The following B4GALNT3 variants were observed in gnomAD, a reference collection of about 807,000 sequenced individuals.
B4GALNT3 encodes the protein beta-1,4-N-acetylgalactosaminyltransferase 3.
In B4GALNT3, 86 loss-of-function variants were observed where a neutral mutation model predicts 120.2. The observed-to-expected ratio is 0.72, with a 90% CI of 0.60 to 0.86. The LOEUF (loss-of-function observed/expected upper bound fraction) is 0.86. Among genes scored for constraint, B4GALNT3 ranks in the 40% least tolerant of loss-of-function variants. The probability of loss-of-function intolerance (pLI) is 0.00; values close to 1 mark genes in which losing one functional copy is unlikely to be tolerated. For synonymous variants in B4GALNT3, 518 were observed against 510.4 expected (o/e 1.01, Z -0.20); for missense variants, 1,167 against 1,298.9 (o/e 0.90, Z 1.56).
chr12:536,321 C>T (rs770472810), intron 3 of B4GALNT3, 26 bp downstream of exon 3: 4 of 1,558,342 alleles, frequency 2.6e-6, no homozygotes, highest in Non-Finnish European at 3.5e-6. Context: ...TTGTACCTGC[C>T]CTTTGAGAGA....
At chr12:468,167 C>T (rs1457626685) in intron 1 of B4GALNT3, among the ~76,000 whole-genome samples, 1 of 152,072 alleles carries the variant, frequency 6.6e-6, no homozygotes, top group Non-Finnish European at 1.5e-5. Flanking sequence ...AACAAAAGTG[C>T]TATGGTATAC....
intron 1 of B4GALNT3, among the ~76,000 whole-genome samples, chr12:513,201 CCT>C: frequency 6.6e-6 from 1 of 152,094 alleles, no homozygotes; most frequent in African/African-American, 2.4e-5. Context: ...CCACCTTCCA[CCT>C]TCCACCTTCC....
intron 1 of B4GALNT3, among the ~76,000 whole-genome samples, chr12:529,320 G>C (rs1592043442): frequency 6.6e-6 from 1 of 152,208 alleles, no homozygotes; most frequent in South Asian, 2.1e-4. Context: ...GAGGGAGCTT[G>C]CTTTTGGTTG....
chr12:554,008 C>T (rs769807663), intron 14 of B4GALNT3, 25 bp downstream of exon 14: 6 of 1,539,836 alleles, frequency 3.9e-6, no homozygotes, highest in Non-Finnish European at 5.4e-6. Context: ...TCTCCTGGGG[C>T]CAGGGACTGG....
At chr12:512,414 TCCGC>T (rs1202856103) in intron 1 of B4GALNT3, among the ~76,000 whole-genome samples, 5 of 81,068 alleles carry the variant, frequency 6.2e-5, no homozygotes, top group African/African-American at 3.3e-4. Context: ...CCTTCCACCT[TCCGC>T]CTTCCGCCTT....
At chr12:533,555 G>C (rs1946828491) in intron 1 of B4GALNT3, among the ~76,000 whole-genome samples, 1 of 152,232 alleles carries the variant, frequency 6.6e-6, no homozygotes, top group South Asian at 2.1e-4. Flanking sequence ...GCCAGAAAGT[G>C]ACTACAGGAG....
At chr12:479,371 G>T (rs897979475) in intron 1 of B4GALNT3, among the ~76,000 whole-genome samples, 5 of 152,146 alleles carry the variant, frequency 3.3e-5, no homozygotes, top group African/African-American at 9.7e-5. Context: ...TGGTGTCACT[G>T]CCCCACTCTG....
chr12:538,388 C>G (rs1036445803), intron 3 of B4GALNT3, among the ~76,000 whole-genome samples: 4 of 151,382 alleles, frequency 2.6e-5, no homozygotes, highest in Admixed American at 2.0e-4. Flanking sequence ...GAGACCTTGT[C>G]TCTACAAATA....
At chr12:534,672 C>T (rs1045356421) in intron 1 of B4GALNT3, among the ~76,000 whole-genome samples, 1 of 152,234 alleles carries the variant, frequency 6.6e-6, no homozygotes, top group Non-Finnish European at 1.5e-5. Context: ...CAGGCCCACT[C>T]TTTCCTGCCT....
At chr12:475,694 G>T (rs575806774) in intron 1 of B4GALNT3, among the ~76,000 whole-genome samples, 1 of 152,026 alleles carries the variant, frequency 6.6e-6, no homozygotes, top group African/African-American at 2.4e-5. Context: ...AGCTGACTTC[G>T]TTCTTTCTGG....
intron 1 of B4GALNT3, among the ~76,000 whole-genome samples, chr12:525,352 G>A (rs11833359): frequency 0.39 from 59,114 of 151,914 alleles, 12,811 homozygotes; most frequent in East Asian, 0.65. Flanking sequence ...CAGGTCATCC[G>A]CCTGCCTCGA....
rs867684915 is a variant in B4GALNT3 at position 460,059 on chromosome 12, C to G, written c.-318C>G. 1.1e-4 allele frequency among the ~76,000 whole-genome samples: 16 copies of G among 150,340 alleles called. No individual in the cohort carries two copies. Among genetic ancestry groups the G allele is most frequent in the South Asian group, 4.2e-4 (2 of 4,784 alleles). ...CTTCTGGGCAGCGAGTGAGGGCGGG[C>G]GCGCAGGGAGGGAGGGCGGCAGCGA... On this transcript the variant is annotated 5_prime_UTR_variant, in exon 1 of 20. Transcript: ENST00000266383. This position sits in a 1 kb window ranked among gnomAD's most constrained non-coding sequence, Gnocchi z 8.0.
At chr12:541,545 C>T (rs1466180864) in intron 3 of B4GALNT3, among the ~76,000 whole-genome samples, 5 of 152,132 alleles carry the variant, frequency 3.3e-5, no homozygotes, top group African/African-American at 4.8e-5. Flanking sequence ...CCTTGGGGGA[C>T]GGGGTGGTTC....
chr12:464,303 T>C (rs1174817053), intron 1 of B4GALNT3, among the ~76,000 whole-genome samples: 1 of 152,196 alleles, frequency 6.6e-6, no homozygotes, highest in Non-Finnish European at 1.5e-5. Flanking sequence ...TTTGTTCATA[T>C]TGGATCAGCA....
chr12:541,014 A>G (rs1302371325), intron 3 of B4GALNT3, among the ~76,000 whole-genome samples: 1 of 152,342 alleles, frequency 6.6e-6, no homozygotes, highest in African/African-American at 2.4e-5. Context: ...AAGTGCTGGG[A>G]TTACAGGCGT....
chr12:464,630 T>TAAA (rs35653120), intron 1 of B4GALNT3, among the ~76,000 whole-genome samples: 175 of 147,720 alleles, frequency 1.2e-3, no homozygotes, highest in Middle Eastern at 7.0e-3. Flanking sequence ...AGACTCTACT[T>TAAA]AAAAAAAAAA....
intron 3 of B4GALNT3, among the ~76,000 whole-genome samples, chr12:542,679 C>G (rs1946931412): frequency 6.6e-6 from 1 of 152,236 alleles, no homozygotes; most frequent in Admixed American, 6.5e-5. Context: ...CCTGCCTTCC[C>G]CCTTTCTGGG....
intron 1 of B4GALNT3, among the ~76,000 whole-genome samples, chr12:511,394 T>TTCCACC (rs1565597826): frequency 1.4e-5 from 1 of 71,534 alleles, no homozygotes; most frequent in Non-Finnish European, 3.2e-5. Context: ...TTCCACCTTC[T>TTCCACC]GTCTTCCACC....
intron 1 of B4GALNT3, among the ~76,000 whole-genome samples, chr12:516,141 G>T (rs1278009502): frequency 7.1e-6 from 1 of 141,364 alleles, no homozygotes; most frequent in Non-Finnish European, 1.5e-5. Flanking sequence ...GCGAGACTCC[G>T]TCTCAAAAAA....
Sources: gnomAD v4.1 joint callset for allele counts (sites outside exome capture counted in the v4.1 genomes callset) on GRCh38, gnomAD v4.1.1 for gene constraint, Gnocchi (gnomAD v3.1) non-coding constraint, MANE v1.5 for transcripts, NCBI Gene and HGNC (gene_info 2026-07-23, HGNC 2026-07-21) for gene names.